NTRK2: variants seen among roughly 807,000 people sequenced by gnomAD.
NTRK2 encodes the protein BDNF/NT-3 growth factors receptor.
A neutral mutation model predicts 94.5 loss-of-function variants in NTRK2; 13 were observed. That is an observed-to-expected ratio of 0.14 (90% CI 0.09 to 0.22). The LOEUF (loss-of-function observed/expected upper bound fraction) is 0.22. Ranked by LOEUF, NTRK2 falls within the 10% of genes least tolerant of loss-of-function variation. The pLI is 1.00. For synonymous variants in NTRK2, 372 were observed against 407.4 expected (o/e 0.91, Z 1.05); for missense variants, 639 against 1,071.2 (o/e 0.60, Z 5.63).
intron 14 of NTRK2, among the ~76,000 whole-genome samples, chr9:84,905,032 C>A (rs2077031972): frequency 6.6e-6 from 1 of 151,960 alleles, no homozygotes; most frequent in Admixed American, 6.6e-5. Context: ...ACTATGTAAG[C>A]ATCAGATGAG....
chr9:84,750,205 A>G (rs7046620), intron 11 of NTRK2, among the ~76,000 whole-genome samples: 87,818 of 151,330 alleles, frequency 0.58, 27,035 homozygotes, highest in South Asian at 0.68. Context: ...TGCTAGTAGT[A>G]CTTTCCCCCT....
In NTRK2 at chr9:84,997,389, C is replaced by T. The variant is rs574401702; in HGVS notation, c.2173-22817C>T. Among the ~76,000 whole-genome samples the T allele has an allele frequency of 2.6e-5, 4 of 152,276 alleles. No individual in the cohort carries two copies. In the East Asian group the frequency reaches 7.7e-4, roughly 29 times the overall value. ...CACAGATGAATTGGCTTTAAGGAAT[C>T]TGTCCCTAAGGACAGGCACCCAGGC... On this transcript the variant is annotated intron_variant, in intron 17 of 18. Transcript: ENST00000277120.
At chr9:84,704,323 G>T (rs528251659) in intron 4 of NTRK2, among the ~76,000 whole-genome samples, 18 of 149,446 alleles carry the variant, frequency 1.2e-4, no homozygotes, top group African/African-American at 4.2e-4. Flanking sequence ...CCGCCTCCTG[G>T]GTTCATGCCA....
chr9:84,749,009 A>G (rs1284590170), intron 11 of NTRK2, among the ~76,000 whole-genome samples: 1 of 152,148 alleles, frequency 6.6e-6, no homozygotes, highest in Non-Finnish European at 1.5e-5. Flanking sequence ...CAGGCGGATC[A>G]CCTGAGGTTG....
chr9:84,995,910 T>C (rs1829698361), intron 17 of NTRK2, among the ~76,000 whole-genome samples: 1 of 152,230 alleles, frequency 6.6e-6, no homozygotes, highest in African/African-American at 2.4e-5. Context: ...ATATGGATTC[T>C]TGAGAACCTC....
At chr9:85,005,599 G>A (rs1340030970) in intron 17 of NTRK2, among the ~76,000 whole-genome samples, 2 of 152,162 alleles carry the variant, frequency 1.3e-5, no homozygotes, top group East Asian at 1.9e-4. Flanking sequence ...ACACCCCAGT[G>A]CAGCTGTGCT....
chr9:84,824,991 G>GT lies in NTRK2; in HGVS notation c.1397-36034dup, dbSNP rs111282369. Among the ~76,000 whole-genome samples the GT allele has an allele frequency of 9.6e-3, 1,360 of 142,360 alleles. 8 individuals carry two copies. Among genetic ancestry groups the GT allele is most frequent in the African/African-American group, 0.018 (707 of 39,076 alleles). 93.4% of individuals were successfully genotyped at this position (142,360 alleles called of 152,430 possible). ...GTGGGTTCCAGAGGCAAAAAGATCA[G>GT]TTTTTTTTTTTTTTTAACTGAGTTC... On this transcript the variant is annotated intron_variant, in intron 12 of 18. Coordinates refer to ENST00000277120, the MANE Select transcript of NTRK2 (RefSeq NM_006180.6).
chr9:85,013,839 T>TCCC (rs1410137931), intron 17 of NTRK2, among the ~76,000 whole-genome samples: 1 of 152,206 alleles, frequency 6.6e-6, no homozygotes, highest in Non-Finnish European at 1.5e-5. Context: ...GACTAGGATG[T>TCCC]TTGGCTTCCA....
intron 12 of NTRK2, chr9:84,815,139 G>A (rs1427578720): frequency 1.9e-6 from 2 of 1,056,962 alleles, no homozygotes; most frequent in Non-Finnish European, 1.1e-6. Context: ...TCAAGTTTTG[G>A]TCTTCAGAGA....
chr9:84,864,979 T>C (rs191752243), intron 13 of NTRK2, among the ~76,000 whole-genome samples: 1 of 152,172 alleles, frequency 6.6e-6, no homozygotes, highest in Admixed American at 6.5e-5. Context: ...AACCTCGTGA[T>C]CTGCCTGCCT....
chr9:84,817,539 A>G (rs2133653819), intron 12 of NTRK2, among the ~76,000 whole-genome samples: 1 of 152,354 alleles, frequency 6.6e-6, no homozygotes, highest in East Asian at 1.9e-4. Flanking sequence ...TTGGAGAAAT[A>G]GCTCTGAATG....
At chr9:84,737,306 A>G (rs1588262489) in intron 9 of NTRK2, among the ~76,000 whole-genome samples, 2 of 152,328 alleles carry the variant, frequency 1.3e-5, no homozygotes, top group South Asian at 2.1e-4. Flanking sequence ...TCCTTTAACT[A>G]TAGAGTCTTA....
At chr9:84,702,860 C>A (rs1039169569) in intron 4 of NTRK2, among the ~76,000 whole-genome samples, 1 of 152,170 alleles carries the variant, frequency 6.6e-6, no homozygotes, top group Admixed American at 6.6e-5. Flanking sequence ...CTCTTTTGAA[C>A]CTTCATTTTC....
chr9:84,761,893 T>A (rs2065603981), intron 12 of NTRK2, among the ~76,000 whole-genome samples: 1 of 152,194 alleles, frequency 6.6e-6, no homozygotes, highest in African/African-American at 2.4e-5. Flanking sequence ...CACCCAAATA[T>A]CATCTTGAAT....
intron 12 of NTRK2, 118 bp from the exon 13 acceptor site, chr9:84,860,922 T>C: frequency 2.0e-6 from 1 of 495,388 alleles, no homozygotes; most frequent in Non-Finnish European, 3.6e-6. Flanking sequence ...TTTATTTATT[T>C]ATTTATTTAT....
At chr9:85,020,783 T>C (rs568576443) in intron 18 of NTRK2, among the ~76,000 whole-genome samples, 1 of 152,364 alleles carries the variant, frequency 6.6e-6, no homozygotes, top group South Asian at 2.1e-4. Flanking sequence ...GTTTTTTCTA[T>C]TCTTACGCTT....
chr9:84,835,593 T>C (rs1354007826), intron 12 of NTRK2, among the ~76,000 whole-genome samples: 3 of 151,792 alleles, frequency 2.0e-5, no homozygotes, highest in Admixed American at 2.0e-4. Context: ...GCCCATTGGG[T>C]TGGCAGAAAA....
At chr9:84,892,529 T>A (rs1198596166) in intron 14 of NTRK2, among the ~76,000 whole-genome samples, 1 of 152,224 alleles carries the variant, frequency 6.6e-6, no homozygotes, top group East Asian at 1.9e-4. Flanking sequence ...ACAATTAAGA[T>A]TTCCCTGTCA....
intron 17 of NTRK2, among the ~76,000 whole-genome samples, chr9:84,972,032 A>T (rs950477412): frequency 6.6e-6 from 1 of 152,216 alleles, no homozygotes; most frequent in Non-Finnish European, 1.5e-5. Context: ...ATTTTAAGTC[A>T]TCTGTATTTC....
Sources: allele counts gnomAD v4.1 joint callset (sites outside exome capture counted in the v4.1 genomes callset), GRCh38; gene constraint gnomAD v4.1.1; transcripts MANE v1.5; gene names NCBI Gene and HGNC (gene_info 2026-07-23, HGNC 2026-07-21).